The following COL4A3 variants were observed in gnomAD, a reference collection of about 807,000 sequenced individuals.
COL4A3 encodes the protein collagen alpha-3(IV) chain.
COL4A3 carries 135 observed loss-of-function variants against 217.4 expected under a neutral mutation model. The ratio of observed to expected loss-of-function variants is 0.62; its 90% CI spans 0.54 to 0.72. The LOEUF (loss-of-function observed/expected upper bound fraction) is 0.72, where lower values mean the gene tolerates loss of function less well. Ranked by LOEUF, COL4A3 falls within the 30% of genes least tolerant of loss-of-function variation. The probability of loss-of-function intolerance (pLI) is 0.00; values close to 1 mark genes in which losing one functional copy is unlikely to be tolerated. For synonymous variants in COL4A3, 690 were observed against 736.3 expected (o/e 0.94, Z 1.02); for missense variants, 1,868 against 2,119.9 (o/e 0.88, Z 2.33).
intron 27 of COL4A3, among the ~76,000 whole-genome samples, chr2:227,276,744 G>GA: frequency 6.6e-6 from 1 of 152,338 alleles, no homozygotes; most frequent in East Asian, 1.9e-4. Flanking sequence ...TTTTAGAGCA[G>GA]AAAAACCGTT....
At chr2:227,173,689 AAAAT>A (rs1296064214) in intron 1 of COL4A3, among the ~76,000 whole-genome samples, 1 of 152,244 alleles carries the variant, frequency 6.6e-6, no homozygotes, top group African/African-American at 2.4e-5. Flanking sequence ...GCCACATTAA[AAAAT>A]AGAGATGGAT....
At position 227,203,214 on chromosome 2, in the gene COL4A3, C is replaced by T. The variant is rs868501061; in HGVS notation, c.88-34754C>T. On this transcript the variant is annotated intron_variant, in intron 1 of 51. Coordinates refer to ENST00000396578, the MANE Select transcript of COL4A3 (RefSeq NM_000091.5). ...ATATATACATATATGTGTATATACA[C>T]ACATATATGTGTATATATGTGTATA... Among the ~76,000 whole-genome samples the T allele has an allele frequency of 2.8e-3, 42 of 15,138 alleles. 19 individuals are homozygous for T. Among genetic ancestry groups the T allele is most frequent in the Middle Eastern group, 0.1 (2 of 20 alleles). 9.9% of individuals were successfully genotyped at this position (15,138 alleles called of 152,430 possible). A position where few individuals can be genotyped will look rare whatever the true frequency, so the allele number is the denominator to read the frequency against.
At chr2:227,202,746 A>AAAATAT (rs1553738297) in intron 1 of COL4A3, among the ~76,000 whole-genome samples, 2 of 22,218 alleles carry the variant, frequency 9.0e-5, no homozygotes, top group African/African-American at 2.4e-4. Flanking sequence ...AAAAAAAAAA[A>AAAATAT]ATATATATAT....
Position 227,251,173 on chromosome 2 carries a change from G to C in COL4A3, c.580G>C (p.Val194Leu), listed in dbSNP as rs749989473. 1.2e-6 allele frequency: 2 copies of C among 1,613,888 alleles called. No individual in the cohort carries two copies. Among genetic ancestry groups the C allele is most frequent in the Non-Finnish European group, 1.7e-6 (2 of 1,179,778 alleles). The change falls in exon 10 of 52, where the codon GTT becomes CTT. Residue 194 changes from valine (V) to leucine (L), a missense_variant. By Grantham distance (32) the Val-to-Leu change is conservative. Around this residue, in one of 2 missense-constraint regions of COL4A3, gnomAD observed 365 missense variants for 333.8 expected, o/e 1.09. Coordinates refer to ENST00000396578, the MANE Select transcript of COL4A3 (RefSeq NM_000091.5). The part of the protein sequence containing the change: ...LPGPPGFPGP[V>L]GPPGPPGFFG... The stretch of plus-strand genomic sequence containing the variant: ...AGGCCCTCCAGGTTTTCCTGGGCCT[G>C]TTGGCCCACCTGGTCCTCCGGGATT...
At chr2:227,244,419 A>G in intron 4 of COL4A3, 55 bp downstream of exon 4, 1 of 1,514,022 alleles carries the variant, frequency 6.6e-7, no homozygotes, top group South Asian at 1.1e-5. Context: ...TTTCACAGTA[A>G]GAGTTATACA....
intron 1 of COL4A3, among the ~76,000 whole-genome samples, chr2:227,200,957 TA>T (rs1303875371): frequency 1.3e-5 from 2 of 152,254 alleles, no homozygotes; most frequent in African/African-American, 4.8e-5. Context: ...TGAAAATGTT[TA>T]AACATTCAAG....
intron 1 of COL4A3, among the ~76,000 whole-genome samples, chr2:227,234,087 G>GA (rs2068556035): frequency 6.6e-6 from 1 of 152,174 alleles, no homozygotes; most frequent in Non-Finnish European, 1.5e-5. Context: ...TTGGATGGGG[G>GA]AGAGGCATAC....
chr2:227,291,055 C>T, intron 37 of COL4A3, 169 bp downstream of exon 37: 1 of 760,178 alleles, frequency 1.3e-6, no homozygotes, highest in Non-Finnish European at 2.1e-6. Flanking sequence ...GGATGCTTGT[C>T]TGTCACAGAG....
Position 227,276,386 on chromosome 2 carries a change from C to T in COL4A3, c.1929C>T (p.Gly643=). ...PGAPGPPGEA[G]PRGELSVSTP... ...CTTATGACCACAAATTTCCTTAAGG[C>T]CCTAGGGGAGAGCTCAGTGTTTCAA... The change falls in exon 27 of 52, where the codon GGC becomes GGT. Residue 643 remains glycine (G), a splice_region_variant and synonymous_variant. Transcript: ENST00000396578. The T allele has an allele frequency of 4.3e-6, 7 of 1,612,970 alleles. No individual in the cohort carries two copies. The highest frequency in any genetic ancestry group is 5.9e-6 in the Non-Finnish European group (7 of 1,178,962).
chr2:227,202,343 A>G (rs753952620), intron 1 of COL4A3, among the ~76,000 whole-genome samples: 3 of 152,042 alleles, frequency 2.0e-5, no homozygotes, highest in Non-Finnish European at 4.4e-5. Context: ...ATTTCCAACT[A>G]TAGGTGTTTC....
chr2:227,306,874 A>C (rs949228467), intron 47 of COL4A3, among the ~76,000 whole-genome samples: 16 of 152,040 alleles, frequency 1.1e-4, no homozygotes, highest in African/African-American at 3.9e-4. Context: ...CTGGTTGGGG[A>C]GGGAGTCAGC....
intron 34 of COL4A3, among the ~76,000 whole-genome samples, chr2:227,285,220 A>G (rs1277746014): frequency 6.8e-6 from 1 of 147,566 alleles, no homozygotes; most frequent in African/African-American, 2.5e-5. Context: ...TGTTCAACAA[A>G]TATTTATATG....
Position 227,307,780 on chromosome 2 carries a change from GACA to G in COL4A3, c.4326_4328del (p.Thr1443del), listed in dbSNP as rs941454321. The G allele has an allele frequency of 2.5e-6, 4 of 1,614,030 alleles. No homozygotes were observed. Among genetic ancestry groups the G allele is most frequent in the African/African-American group, 2.7e-5 (2 of 74,908 alleles). ...GAGACAGTGGATCACCTGCAACCTG[GACA>G]ACGAGAGGCTTTGTCTTCACCCGAC... On this transcript the variant is annotated inframe_deletion, in exon 48 of 52. Transcript: ENST00000396578.
In COL4A3 at chr2:227,312,583, A is replaced by G. The variant is rs550617852; in HGVS notation, c.*713A>G. 6.6e-6 allele frequency: 1 copy of G among 152,454 alleles called. No homozygotes were observed. Among genetic ancestry groups the G allele is most frequent in the Non-Finnish European group, 1.5e-5 (1 of 68,032 alleles). 9.4% of individuals were successfully genotyped at this position (152,454 alleles called of 1,614,324 possible). A position where few individuals can be genotyped will look rare whatever the true frequency, so the allele number is the denominator to read the frequency against. ...TGAATTCATTTCACTGTAGCTCTAA[A>G]ATCTGCTTGTATTCCAAGCATATAA... is the stretch of plus-strand genomic sequence containing the variant. On this transcript the variant is annotated 3_prime_UTR_variant, in exon 52 of 52. Transcript: ENST00000396578.
At chr2:227,185,026 C>T (rs566230444) in intron 1 of COL4A3, among the ~76,000 whole-genome samples, 6 of 151,440 alleles carry the variant, frequency 4.0e-5, no homozygotes, top group African/African-American at 9.7e-5. Context: ...CTCAGCCTCC[C>T]GAATAGCTGG....
intron 43 of COL4A3, 57 bp downstream of exon 43, chr2:227,298,869 T>G: frequency 6.9e-7 from 1 of 1,450,848 alleles, no homozygotes; most frequent in Admixed American, 1.9e-5. Flanking sequence ...TTATAATTAT[T>G]CTTATATTGT....
chr2:227,254,677 G>A lies in COL4A3; in HGVS notation c.850G>A (p.Gly284Arg). Residue 284 changes from glycine to arginine, a missense_variant, in exon 15 of 52, where the codon GGA becomes AGA. By Grantham distance (125) the Gly-to-Arg change is moderately radical. Around this residue, in one of 2 missense-constraint regions of COL4A3, gnomAD observed 1,503 missense variants for 1,786.1 expected, o/e 0.84. Coordinates refer to ENST00000396578, the MANE Select transcript of COL4A3 (RefSeq NM_000091.5). ...GPSGLPGESY[G>R]SEKGAPGDPG... ...ACAGGGACTGCCTGGAGAATCATAT[G>A]GATCTGAAAAGGGTGCTCCTGGAGA... The A allele has an allele frequency of 6.2e-7, 1 of 1,613,396 alleles. No homozygotes were observed. Among genetic ancestry groups the A allele is most frequent in the South Asian group, 1.1e-5 (1 of 91,068 alleles).
At chr2:227,302,243 C>T (rs2106263766) in intron 43 of COL4A3, among the ~76,000 whole-genome samples, 1 of 152,282 alleles carries the variant, frequency 6.6e-6, no homozygotes, top group East Asian at 1.9e-4. Flanking sequence ...CCTGTACACT[C>T]CCATCCCTAG....
At position 227,259,848 on chromosome 2, in the gene COL4A3, C is replaced by T; in HGVS notation, c.1085C>T (p.Pro362Leu). The change falls in exon 19 of 52, where the codon CCA becomes CTA. Residue 362 changes from proline to leucine, a missense_variant. By Grantham distance (98) the Pro-to-Leu change is moderately conservative. This residue lies in a region of COL4A3 where 1,503 missense variants were observed against 1,786.1 expected (regional missense o/e 0.84). Transcript: ENST00000396578. ...EKGDEGTPGPPGPRGARGPQG... is the reference protein window; with the variant it reads ...EKGDEGTPGPLGPRGARGPQG... ...GGAGATGAAGGCACTCCAGGCCCACCAGGGCCCAGAGGAGCTCGTGGCCCA... is the reference window on the plus strand; with the variant it reads ...GGAGATGAAGGCACTCCAGGCCCACTAGGGCCCAGAGGAGCTCGTGGCCCA... The T allele has an allele frequency of 6.2e-7, 1 of 1,613,638 alleles. No individual in the cohort carries two copies. Among genetic ancestry groups the T allele is most frequent in the Non-Finnish European group, 8.5e-7 (1 of 1,179,528 alleles).
Sources: gnomAD v4.1 joint callset for allele counts (sites outside exome capture counted in the v4.1 genomes callset) on GRCh38, gnomAD v4.1.1 for gene constraint, gnomAD v4.1.1 regional missense constraint, MANE v1.5 for transcripts, NCBI Gene and HGNC (gene_info 2026-07-23, HGNC 2026-07-21) for gene names.